KCNH1: variants seen among roughly 807,000 people sequenced by gnomAD.
The protein encoded by KCNH1 is voltage-gated delayed rectifier potassium channel KCNH1.
Under a neutral mutation model 69.2 loss-of-function variants are expected in KCNH1, and 27 were observed. The ratio of observed to expected loss-of-function variants is 0.39; its 90% CI spans 0.29 to 0.54. The LOEUF is 0.54. Among genes scored for constraint, KCNH1 ranks in the 20% least tolerant of loss-of-function variants. KCNH1 has a pLI of 0.68. For missense variants in KCNH1, 798 were observed against 1,261.6 expected (o/e 0.63, Z 5.57); for synonymous variants, 456 against 487.7 (o/e 0.93, Z 0.86).
intron 2 of KCNH1, among the ~76,000 whole-genome samples, chr1:211,105,724 A>C (rs908643148): frequency 2.0e-5 from 3 of 152,250 alleles, no homozygotes; most frequent in African/African-American, 4.8e-5. Context: ...CTAAAAAGTG[A>C]AGCTATGTCT....
intron 5 of KCNH1, among the ~76,000 whole-genome samples, chr1:211,028,813 T>G (rs548206505): frequency 6.6e-6 from 1 of 152,178 alleles, no homozygotes; most frequent in Non-Finnish European, 1.5e-5. Context: ...ATGGTTTTAA[T>G]AAATAATGGT....
At chr1:211,043,627 G>A (rs1210937529) in intron 5 of KCNH1, among the ~76,000 whole-genome samples, 1 of 151,986 alleles carries the variant, frequency 6.6e-6, no homozygotes, top group Non-Finnish European at 1.5e-5. Context: ...ACCAGGAAAG[G>A]ACATAACCAA....
At chr1:210,834,870 T>A (rs890979041) in intron 7 of KCNH1, among the ~76,000 whole-genome samples, 1 of 152,096 alleles carries the variant, frequency 6.6e-6, no homozygotes, top group African/African-American at 2.4e-5. Context: ...CAGATTCTGA[T>A]GGTGCCTAGA....
chr1:210,793,654 C>T (rs981524187), intron 9 of KCNH1, among the ~76,000 whole-genome samples: 2 of 152,034 alleles, frequency 1.3e-5, no homozygotes, highest in Non-Finnish European at 2.9e-5. Context: ...AGAAAGAGGC[C>T]AATTAGCAGA....
intron 10 of KCNH1, among the ~76,000 whole-genome samples, chr1:210,743,496 G>A (rs917407406): frequency 2.6e-5 from 4 of 152,148 alleles, no homozygotes; most frequent in Non-Finnish European, 5.9e-5. Context: ...CAATCTAGGG[G>A]TCCTGGTTAC....
At chr1:211,083,150 C>G (rs1391099152) in intron 4 of KCNH1, among the ~76,000 whole-genome samples, 2 of 152,204 alleles carry the variant, frequency 1.3e-5, no homozygotes, top group Non-Finnish European at 2.9e-5. Context: ...GGTTTTAGTA[C>G]CATTTTACAA....
chr1:210,995,858 T>C (rs1009983959), intron 6 of KCNH1, among the ~76,000 whole-genome samples: 3 of 152,330 alleles, frequency 2.0e-5, no homozygotes, highest in East Asian at 3.9e-4. Context: ...AGACAGAATG[T>C]ATCTATAATC....
intron 6 of KCNH1, among the ~76,000 whole-genome samples, chr1:210,922,877 G>C (rs1424071657): frequency 6.6e-6 from 1 of 152,138 alleles, no homozygotes; most frequent in Non-Finnish European, 1.5e-5. Flanking sequence ...CACATAAGCA[G>C]CCACCTACTC....
intron 6 of KCNH1, among the ~76,000 whole-genome samples, chr1:210,970,963 C>A (rs1019641389): frequency 6.6e-6 from 1 of 152,006 alleles, no homozygotes; most frequent in African/African-American, 2.4e-5. Flanking sequence ...CAAAAACCAC[C>A]ACATCAAAAA....
chr1:210,823,290 T>C (rs180867517), intron 7 of KCNH1, among the ~76,000 whole-genome samples: 246 of 152,290 alleles, frequency 1.6e-3, no homozygotes, highest in African/African-American at 5.6e-3. Flanking sequence ...CAGTGAAATG[T>C]TCCACAAAAG....
intron 7 of KCNH1, among the ~76,000 whole-genome samples, chr1:210,820,570 G>A (rs574787723): frequency 2.5e-4 from 38 of 152,248 alleles, no homozygotes; most frequent in African/African-American, 9.1e-4. Flanking sequence ...GGAGGCAGAG[G>A]TTGCAGTGAG....
chr1:210,990,910 C>A (rs962022123), intron 6 of KCNH1, among the ~76,000 whole-genome samples: 2 of 151,938 alleles, frequency 1.3e-5, no homozygotes, highest in Non-Finnish European at 2.9e-5. Context: ...TACCTAGAAC[C>A]CCACAATAAA....
At chr1:211,078,942 GA>G (rs1690792968) in intron 5 of KCNH1, among the ~76,000 whole-genome samples, 1 of 139,494 alleles carries the variant, frequency 7.2e-6, no homozygotes, top group Non-Finnish European at 1.6e-5. Flanking sequence ...AAAAAAGAAA[GA>G]AAGAAAGAAA....
chr1:210,964,663 T>C (rs1574365711), intron 6 of KCNH1, among the ~76,000 whole-genome samples: 1 of 152,210 alleles, frequency 6.6e-6, no homozygotes, highest in African/African-American at 2.4e-5. Context: ...AGCCAAATTC[T>C]ACCAGAGATA....
At chr1:211,100,119 C>T (rs1376957390) in intron 3 of KCNH1, among the ~76,000 whole-genome samples, 1 of 152,170 alleles carries the variant, frequency 6.6e-6, no homozygotes, top group Admixed American at 6.5e-5. Flanking sequence ...CCCTCAGCCT[C>T]CAAGTAGCTG....
intron 1 of KCNH1, among the ~76,000 whole-genome samples, chr1:211,114,364 C>T (rs547115145): frequency 1.3e-5 from 2 of 152,156 alleles, no homozygotes; most frequent in Admixed American, 6.5e-5. Context: ...GCTCGAGATA[C>T]CACTTTATAG....
At chr1:210,714,319 T>C (rs1198171090) in intron 10 of KCNH1, among the ~76,000 whole-genome samples, 1 of 152,200 alleles carries the variant, frequency 6.6e-6, no homozygotes, top group Non-Finnish European at 1.5e-5. Context: ...ACATCAATGT[T>C]TCGAGGTAGA....
chr1:210,804,078 G>A lies in KCNH1; in HGVS notation c.1551C>T (p.Asn517=). ...AGAGCTTCAGGAAGTCCCGAACACT[G>A]TTGAGCATCTCATGGTATCTGTTGG... The part of the protein sequence containing the change: ...ANTNRYHEML[N]SVRDFLKLYQ... Residue 517 remains asparagine, a synonymous_variant, in exon 8 of 11, where the codon AAC becomes AAT. Transcript: ENST00000271751. 1 of 1,614,142 alleles carries A rather than the reference G, an allele frequency of 6.2e-7. No homozygotes were observed.
intron 7 of KCNH1, among the ~76,000 whole-genome samples, chr1:210,915,426 C>T (rs1319132599): frequency 6.6e-6 from 1 of 152,120 alleles, no homozygotes; most frequent in African/African-American, 2.4e-5. Context: ...CTGGCATGGC[C>T]TTGTGTTTCT....
Sources: allele counts gnomAD v4.1 joint callset (sites outside exome capture counted in the v4.1 genomes callset), GRCh38; gene constraint gnomAD v4.1.1; transcripts MANE v1.5; gene names NCBI Gene and HGNC (gene_info 2026-07-23, HGNC 2026-07-21).